Variants in E2F3 observed in about 807,000 individuals in gnomAD.
The protein encoded by E2F3 is transcription factor E2F3.
Under a neutral mutation model 44.4 loss-of-function variants are expected in E2F3, and 11 were observed. The observed-to-expected ratio is 0.25, with a 90% CI of 0.16 to 0.41. The LOEUF (loss-of-function observed/expected upper bound fraction) is 0.41. E2F3 is among the 10% of genes least tolerant of loss of function. E2F3 has a pLI of 1.00. For missense variants in E2F3, 487 were observed against 583.6 expected (o/e 0.83, Z 1.70); for synonymous variants, 249 against 253.0 (o/e 0.98, Z 0.15).
chr6:20,474,358 A>G (rs1761982236), intron 1 of E2F3, among the ~76,000 whole-genome samples: 1 of 152,182 alleles, frequency 6.6e-6, no homozygotes, highest in Non-Finnish European at 1.5e-5. Flanking sequence ...TACCTTGTTT[A>G]TAGTACAAGT....
At chr6:20,472,413 G>A (rs1250281677) in intron 1 of E2F3, among the ~76,000 whole-genome samples, 2 of 152,084 alleles carry the variant, frequency 1.3e-5, no homozygotes, top group East Asian at 1.9e-4. Flanking sequence ...TGTGCTGAAC[G>A]TGGAGGCTCA....
chr6:20,403,619 C>T, intron 1 of E2F3: 1 of 481,448 alleles, frequency 2.1e-6, no homozygotes, highest in South Asian at 2.9e-5. Flanking sequence ...CACCCACTTC[C>T]TCCTGCTCGC....
intron 1 of E2F3, among the ~76,000 whole-genome samples, chr6:20,418,603 G>A (rs1759925870): frequency 6.6e-6 from 1 of 152,210 alleles, no homozygotes; most frequent in African/African-American, 2.4e-5. Context: ...ACTGCCAAGT[G>A]GACAGTTGCA....
At chr6:20,427,776 G>A (rs1760264289) in intron 1 of E2F3, among the ~76,000 whole-genome samples, 4 of 152,260 alleles carry the variant, frequency 2.6e-5, no homozygotes, top group South Asian at 4.1e-4. Flanking sequence ...TCCTCTTTTC[G>A]AAGTCCTAGG....
intron 3 of E2F3, among the ~76,000 whole-genome samples, chr6:20,482,344 T>G (rs1166331856): frequency 4.1e-5 from 4 of 96,928 alleles, no homozygotes; most frequent in Admixed American, 1.0e-4. Context: ...GTTTTTTTGT[T>G]TTTTTTTTTT....
At chr6:20,443,816 T>C (rs936914943) in intron 1 of E2F3, among the ~76,000 whole-genome samples, 3 of 152,238 alleles carry the variant, frequency 2.0e-5, no homozygotes, top group Admixed American at 6.5e-5. Flanking sequence ...GTTAATTGTG[T>C]GTGTCTGTAC....
At chr6:20,464,535 A>G (rs1415262145) in intron 1 of E2F3, among the ~76,000 whole-genome samples, 5 of 152,180 alleles carry the variant, frequency 3.3e-5, no homozygotes, top group Non-Finnish European at 5.9e-5. Flanking sequence ...TGTGTTCTTC[A>G]GTCTAGGCTC....
chr6:20,428,650 C>T (rs1285326510), intron 1 of E2F3, among the ~76,000 whole-genome samples: 8 of 152,182 alleles, frequency 5.3e-5, no homozygotes, highest in Non-Finnish European at 7.3e-5. Flanking sequence ...CCCTCTGATA[C>T]GTGCTAAGCA....
intron 1 of E2F3, among the ~76,000 whole-genome samples, chr6:20,469,165 G>A (rs1299309039): frequency 1.3e-5 from 2 of 152,164 alleles, no homozygotes; most frequent in Non-Finnish European, 2.9e-5. Flanking sequence ...AGGATATATA[G>A]TCTCAGTATA....
At position 20,402,769 on chromosome 6, in the gene E2F3, T is replaced by C; in HGVS notation, c.393+144T>C. 8.0e-7 allele frequency: 1 copy of C among 1,244,048 alleles called. No homozygotes were observed. The highest frequency in any genetic ancestry group is 1.0e-6 in the Non-Finnish European group (1 of 994,444). 77.1% of individuals were successfully genotyped at this position (1,244,048 alleles called of 1,614,324 possible). ...CGGGGGCTGCCCCTCCAACGAGGGT[T>C]CATTGTTAGACCTGAGTGCTCTTCC... On this transcript the variant is annotated intron_variant, in intron 1 of 6. Transcript: ENST00000346618. This position sits in a 1 kb window ranked among gnomAD's most constrained non-coding sequence, Gnocchi z 5.6.
chr6:20,465,747 A>C (rs1026951809), intron 1 of E2F3, among the ~76,000 whole-genome samples: 1 of 152,178 alleles, frequency 6.6e-6, no homozygotes, highest in Non-Finnish European at 1.5e-5. Context: ...ATGGTCTCCA[A>C]TCTCATCCAG....
intron 1 of E2F3, among the ~76,000 whole-genome samples, chr6:20,428,503 G>A (rs546752664): frequency 2.1e-3 from 313 of 152,288 alleles, no homozygotes; most frequent in Middle Eastern, 3.4e-3. Flanking sequence ...GATTACAGAC[G>A]TGAGCCACCA....
chr6:20,455,020 C>T (rs529938634), intron 1 of E2F3, among the ~76,000 whole-genome samples: 1 of 152,126 alleles, frequency 6.6e-6, no homozygotes, highest in Non-Finnish European at 1.5e-5. Flanking sequence ...CAATGTATAT[C>T]GAAGTTAGTT....
chr6:20,464,208 C>T (rs547554033), intron 1 of E2F3, among the ~76,000 whole-genome samples: 1 of 152,268 alleles, frequency 6.6e-6, no homozygotes, highest in Admixed American at 6.5e-5. Flanking sequence ...CATCATTGGC[C>T]TTTGGTGATC....
chr6:20,429,423 C>T lies in E2F3; in HGVS notation c.393+26798C>T, dbSNP rs557740396. On this transcript the variant is annotated intron_variant, in intron 1 of 6. Transcript: ENST00000346618. ...TGGGACTTGAGTCATCCCCTTTGTCCGGTGTATTCGCACTATGTTACACTA... is the reference window on the plus strand; with the variant it reads ...TGGGACTTGAGTCATCCCCTTTGTCTGGTGTATTCGCACTATGTTACACTA... 3.3e-5 allele frequency among the ~76,000 whole-genome samples: 5 copies of T among 152,232 alleles called. No individual in the cohort carries two copies. In the South Asian group the frequency reaches 1.0e-3, roughly 32 times the overall value.
intron 2 of E2F3, 115 bp downstream of exon 2, chr6:20,480,072 T>G: frequency 6.9e-7 from 1 of 1,443,030 alleles, no homozygotes; most frequent in South Asian, 1.5e-5. Flanking sequence ...TTTGTTCTTT[T>G]TCATTTCTTT....
chr6:20,424,756 A>C (rs1450046334), intron 1 of E2F3, among the ~76,000 whole-genome samples: 2 of 152,162 alleles, frequency 1.3e-5, no homozygotes, highest in African/African-American at 4.8e-5. Flanking sequence ...TAAGCTGTTT[A>C]CATTTTTTCT....
At chr6:20,447,915 G>A (rs1761002638) in intron 1 of E2F3, among the ~76,000 whole-genome samples, 2 of 152,192 alleles carry the variant, frequency 1.3e-5, no homozygotes, top group Non-Finnish European at 2.9e-5. Flanking sequence ...TGGAGGCCCA[G>A]AGAGGGCAGG....
At position 20,492,521 on chromosome 6, in the gene E2F3, A is replaced by G. The variant is rs748476997; in HGVS notation, c.*2091A>G. On this transcript the variant is annotated 3_prime_UTR_variant, in exon 7 of 7. Transcript: ENST00000346618. ...AACCATTTATGCCAAGCTTTTCCCC[A>G]TTTCCCATATTTATCTCATCTGGTT... 2.6e-5 allele frequency: 6 copies of G among 233,098 alleles called. No homozygotes were observed. Among genetic ancestry groups the G allele is most frequent in the Non-Finnish European group, 4.2e-5 (5 of 117,738 alleles). The allele number at this position is 233,098 out of a possible 1,614,324, so 14.4% of individuals were successfully genotyped here.
Sources: allele counts gnomAD v4.1 joint callset (sites outside exome capture counted in the v4.1 genomes callset), GRCh38; gene constraint gnomAD v4.1.1; non-coding constraint Gnocchi (gnomAD v3.1); transcripts MANE v1.5; gene names NCBI Gene and HGNC (gene_info 2026-07-23, HGNC 2026-07-21).